Variants in ACTN4 observed in about 807,000 individuals in gnomAD.
ACTN4 encodes alpha-actinin-4.
A neutral mutation model predicts 114.2 loss-of-function variants in ACTN4; 18 were observed. The ratio of observed to expected loss-of-function variants is 0.16; its 90% CI spans 0.11 to 0.23. ACTN4 has a LOEUF of 0.23. Among genes scored for constraint, ACTN4 ranks in the 10% least tolerant of loss-of-function variants. The probability of loss-of-function intolerance (pLI) is 1.00; values close to 1 mark genes in which losing one functional copy is unlikely to be tolerated. For missense variants in ACTN4, 722 were observed against 1,262.9 expected (o/e 0.57, Z 6.49); for synonymous variants, 515 against 506.3 (o/e 1.02, Z -0.23).
intron 12 of ACTN4, 42 bp from the exon 13 acceptor site, chr19:38,723,572 C>T (rs1301700498): frequency 2.0e-6 from 3 of 1,482,614 alleles, no homozygotes; most frequent in Non-Finnish European, 1.9e-6. Flanking sequence ...CATCTAGCCA[C>T]TTGCCCTTGC....
chr19:38,730,771 C>T lies in ACTN4; in HGVS notation c.*1339C>T. 10 of 1,514,438 alleles carry T rather than the reference C, an allele frequency of 6.6e-6. No individual in the cohort carries two copies. The highest frequency in any genetic ancestry group is 8.1e-6 in the Non-Finnish European group (9 of 1,117,298). 93.8% of individuals were successfully genotyped at this position (1,514,438 alleles called of 1,614,324 possible). On this transcript the variant is annotated 3_prime_UTR_variant, in exon 21 of 21. Coordinates refer to ENST00000252699, the MANE Select transcript of ACTN4 (RefSeq NM_004924.6). ...GACAGGTGGATGCCAGAGAGAGTGGCACCCATGCCAGGCAAGGCCTAGGGA... is the reference window on the plus strand; with the variant it reads ...GACAGGTGGATGCCAGAGAGAGTGGTACCCATGCCAGGCAAGGCCTAGGGA...
intron 1 of ACTN4, among the ~76,000 whole-genome samples, chr19:38,658,603 G>T (rs1390315904): frequency 1.3e-5 from 2 of 152,136 alleles, no homozygotes; most frequent in African/African-American, 4.8e-5. Flanking sequence ...CATTTGGAAG[G>T]GTCAGAGATT....
chr19:38,664,059 C>T (rs1326931777), intron 1 of ACTN4, among the ~76,000 whole-genome samples: 1 of 152,218 alleles, frequency 6.6e-6, no homozygotes, highest in African/African-American at 2.4e-5. Context: ...GCCGGAACGG[C>T]CGCCCTGTAT....
intron 1 of ACTN4, among the ~76,000 whole-genome samples, chr19:38,691,495 C>T (rs749589597): frequency 5.3e-5 from 8 of 151,896 alleles, no homozygotes; most frequent in Non-Finnish European, 7.4e-5. Flanking sequence ...GGAAGGCCTC[C>T]TGGGTTGCTG....
Position 38,723,636 on chromosome 19 carries a change from C to T in ACTN4, c.1465C>T (p.His489Tyr). 6.2e-7 allele frequency: 1 copy of T among 1,613,216 alleles called. No individual in the cohort carries two copies. The highest frequency in any genetic ancestry group is 8.5e-7 in the Non-Finnish European group (1 of 1,179,730). The change falls in exon 13 of 21, where the codon CAC (histidine) becomes TAC (tyrosine). Residue 489 changes from histidine (H) to tyrosine (Y), a missense_variant. Transcript: ENST00000252699. ...CAGCGAGCTGGATTACTACGACTCC[C>T]ACAATGTCAACACCCGGTGCCAGAA... ...ELNELDYYDS[H>Y]NVNTRCQKIC...
intron 1 of ACTN4, among the ~76,000 whole-genome samples, chr19:38,691,243 C>T (rs952660030): frequency 1.3e-5 from 2 of 151,686 alleles, no homozygotes; most frequent in Admixed American, 6.6e-5. Context: ...TGGAGAAACT[C>T]CGTCTCTACT....
At chr19:38,719,836 T>C (rs1304027068) in intron 11 of ACTN4, among the ~76,000 whole-genome samples, 1 of 152,198 alleles carries the variant, frequency 6.6e-6, no homozygotes, top group Admixed American at 6.5e-5. Flanking sequence ...GGGCTGGGTG[T>C]GGTGGCCCCA....
intron 1 of ACTN4, among the ~76,000 whole-genome samples, chr19:38,663,151 T>G (rs1037726383): frequency 1.3e-5 from 2 of 152,122 alleles, no homozygotes; most frequent in Non-Finnish European, 2.9e-5. Context: ...CCTCAGGTGA[T>G]CCACCCGCCT....
chr19:38,721,974 G>A, intron 12 of ACTN4: 2 of 498,960 alleles, frequency 4.0e-6, no homozygotes, highest in Non-Finnish European at 7.4e-6. Context: ...GTCCCTGGGG[G>A]TGTCACCTCT....
intron 1 of ACTN4, among the ~76,000 whole-genome samples, chr19:38,689,536 C>T (rs920107759): frequency 2.6e-5 from 4 of 152,068 alleles, no homozygotes; most frequent in African/African-American, 4.8e-5. Context: ...GTCTCACTGT[C>T]GCCCAGGCTA....
At chr19:38,694,674 G>A (rs1014090681) in intron 1 of ACTN4, among the ~76,000 whole-genome samples, 2 of 152,120 alleles carry the variant, frequency 1.3e-5, no homozygotes, top group African/African-American at 2.4e-5. Context: ...TGTATCATCT[G>A]TGTCTGTGTG....
intron 1 of ACTN4, among the ~76,000 whole-genome samples, chr19:38,698,323 G>A (rs144876941): frequency 2.8e-4 from 43 of 152,314 alleles, no homozygotes; most frequent in South Asian, 8.3e-4. Flanking sequence ...GTTAGGTGAC[G>A]TGCCCACATG....
chr19:38,728,420 C>G (rs773239598), intron 19 of ACTN4: 1 of 835,628 alleles, frequency 1.2e-6, no homozygotes, highest in South Asian at 1.6e-5. Context: ...GCTCCTCCTC[C>G]TCCTCCTCCT....
intron 1 of ACTN4, among the ~76,000 whole-genome samples, chr19:38,698,344 G>A (rs1254012575): frequency 6.6e-6 from 1 of 152,188 alleles, no homozygotes; most frequent in Non-Finnish European, 1.5e-5. Context: ...AGTGGTGTAA[G>A]CATGGTTCCC....
chr19:38,719,268 A>T (rs1568739461), intron 11 of ACTN4, among the ~76,000 whole-genome samples: 1 of 151,990 alleles, frequency 6.6e-6, no homozygotes, highest in Admixed American at 6.5e-5. Context: ...CACCTTCCCA[A>T]CACAGTCTCC....
intron 1 of ACTN4, among the ~76,000 whole-genome samples, chr19:38,663,985 G>A (rs1465753331): frequency 6.6e-6 from 1 of 152,202 alleles, no homozygotes; most frequent in Non-Finnish European, 1.5e-5. Context: ...GTCTCCCCAA[G>A]CCCTGTGTCT....
chr19:38,663,296 C>T (rs768033403), intron 1 of ACTN4, among the ~76,000 whole-genome samples: 9 of 152,204 alleles, frequency 5.9e-5, no homozygotes, highest in Non-Finnish European at 1.2e-4. Context: ...GAAATATGAC[C>T]GCCATGGCCA....
At chr19:38,700,014 T>C (rs190048959) in intron 1 of ACTN4, among the ~76,000 whole-genome samples, 176 of 152,256 alleles carry the variant, frequency 1.2e-3, no homozygotes, top group African/African-American at 4.0e-3. Flanking sequence ...GTTGTATCTG[T>C]GCACGTGATT....
At chr19:38,682,310 G>A (rs577336952) in intron 1 of ACTN4, among the ~76,000 whole-genome samples, 22 of 152,200 alleles carry the variant, frequency 1.4e-4, no homozygotes, top group African/African-American at 5.3e-4. Flanking sequence ...GAAGTGCTGG[G>A]ATTACGGGTG....
Sources: allele counts gnomAD v4.1 joint callset (sites outside exome capture counted in the v4.1 genomes callset), GRCh38; gene constraint gnomAD v4.1.1; transcripts MANE v1.5; gene names NCBI Gene and HGNC (gene_info 2026-07-23, HGNC 2026-07-21).